Variants in PATJ observed in about 807,000 individuals in gnomAD.
PATJ encodes the protein PATJ crumbs cell polarity complex component.
PATJ carries 190 observed loss-of-function variants against 224.9 expected under a neutral mutation model. That is an observed-to-expected ratio of 0.84 (90% CI 0.75 to 0.95). The LOEUF is 0.95. Among genes scored for constraint, PATJ ranks in the 40% least tolerant of loss-of-function variants. PATJ has a pLI of 0.00. For synonymous variants in PATJ, 769 were observed against 820.3 expected (o/e 0.94, Z 1.07); for missense variants, 2,121 against 2,270.3 (o/e 0.93, Z 1.34).
intron 14 of PATJ, among the ~76,000 whole-genome samples, chr1:61,815,386 G>A (rs2148677768): frequency 6.6e-6 from 1 of 152,324 alleles, no homozygotes; most frequent in Non-Finnish European, 1.5e-5. Context: ...TCAGTCACAG[G>A]TAACACCAGT....
At chr1:62,053,338 C>T (rs1256505326) in intron 31 of PATJ, among the ~76,000 whole-genome samples, 1 of 152,206 alleles carries the variant, frequency 6.6e-6, no homozygotes, top group Non-Finnish European at 1.5e-5. Context: ...AGTAGAATCT[C>T]TGCATGTTCT....
At chr1:62,080,801 C>G (rs1659171581) in intron 32 of PATJ, among the ~76,000 whole-genome samples, 1 of 151,984 alleles carries the variant, frequency 6.6e-6, no homozygotes, top group African/African-American at 2.4e-5. Flanking sequence ...GTTCATCAAG[C>G]AGGTACTATT....
Position 61,871,483 on chromosome 1 carries a change from G to GCGTATATATA in PATJ, c.2836-3760_2836-3759insCGTATATATA, listed in dbSNP as rs1362256521. 5.9e-3 allele frequency among the ~76,000 whole-genome samples: 591 copies of GCGTATATATA among 100,042 alleles called. 31 individuals are homozygous for GCGTATATATA. The highest frequency in any genetic ancestry group is 0.02 in the African/African-American group (514 of 25,776). The allele number at this position is 100,042 out of a possible 152,430, so 65.6% of individuals were successfully genotyped here. On this transcript the variant is annotated intron_variant, in intron 20 of 43. Transcript: ENST00000642238. The stretch of plus-strand genomic sequence containing the variant: ...TATATATATGTATATACATATATAT[G>GCGTATATATA]TGTATATATGTATATATACATATAT...
chr1:62,158,741 G>T (rs1424160547), intron 43 of PATJ, among the ~76,000 whole-genome samples: 2 of 80,802 alleles, frequency 2.5e-5, no homozygotes. Context: ...CAAAAAAAAA[G>T]AGTTCGAGAC....
intron 1 of PATJ, among the ~76,000 whole-genome samples, chr1:61,746,233 C>G (rs1438491632): frequency 2.0e-5 from 3 of 152,164 alleles, no homozygotes; most frequent in Non-Finnish European, 4.4e-5. Context: ...TGAGCCATCA[C>G]GCCTGGCCTC....
At chr1:62,093,471 G>T (rs1661027321) in intron 33 of PATJ, among the ~76,000 whole-genome samples, 1 of 152,164 alleles carries the variant, frequency 6.6e-6, no homozygotes, top group South Asian at 2.1e-4. Context: ...ATTTCATGAG[G>T]AGTGTGGTTT....
At chr1:62,096,940 G>C (rs1160416289) in intron 33 of PATJ, among the ~76,000 whole-genome samples, 1 of 152,082 alleles carries the variant, frequency 6.6e-6, no homozygotes, top group Non-Finnish European at 1.5e-5. Context: ...TTATATACTA[G>C]ATATGCCCCT....
rs191538411 is a variant in PATJ, at chr1:62,108,461, T to C, written c.4402T>C (p.Tyr1468His). The C allele has an allele frequency of 1.6e-4, 262 of 1,609,416 alleles. 3 individuals carry two copies. In the East Asian group the frequency reaches 5.2e-3, roughly 32 times the overall value. The change falls in exon 34 of 44, where the codon TAT becomes CAT. Residue 1468 changes from tyrosine to histidine, a missense_variant. Physicochemically the swap from Tyr to His is moderately conservative, Grantham distance 83. Coordinates refer to ENST00000642238, the MANE Select transcript of PATJ (RefSeq NM_001350145.3). ...GAATGCTATAGTTATCCATGAAGTC[T>C]ATGAAGAAGGGGCAGCAGCCAGAGA... The part of the protein sequence containing the change: ...PLNAIVIHEV[Y>H]EEGAAARDGR...
At chr1:61,767,185 CAATT>C (rs1402517072) in intron 4 of PATJ, among the ~76,000 whole-genome samples, 4 of 152,032 alleles carry the variant, frequency 2.6e-5, no homozygotes, top group African/African-American at 9.7e-5. Context: ...AAATAATAAA[CAATT>C]AAAATTTTGG....
At chr1:62,052,286 T>G (rs1653770255) in intron 31 of PATJ, among the ~76,000 whole-genome samples, 1 of 152,122 alleles carries the variant, frequency 6.6e-6, no homozygotes. Flanking sequence ...TGCCACAGAT[T>G]GCATATCCTA....
At chr1:61,750,777 T>C (rs1645281568) in intron 1 of PATJ, among the ~76,000 whole-genome samples, 1 of 151,766 alleles carries the variant, frequency 6.6e-6, no homozygotes, top group Non-Finnish European at 1.5e-5. Context: ...CAGGACGTAG[T>C]GTGGTAGAAG....
chr1:61,972,479 A>G (rs1434134182), intron 27 of PATJ, among the ~76,000 whole-genome samples: 1 of 152,066 alleles, frequency 6.6e-6, no homozygotes, highest in Admixed American at 6.6e-5. Flanking sequence ...AAATGTTAAA[A>G]CAATGCTATG....
At chr1:61,747,804 G>A (rs1008354032) in intron 1 of PATJ, among the ~76,000 whole-genome samples, 2 of 152,190 alleles carry the variant, frequency 1.3e-5, no homozygotes, top group Non-Finnish European at 2.9e-5. Context: ...TCTCACACGT[G>A]GGCATGGGCC....
chr1:62,023,164 C>A (rs1647183502), intron 29 of PATJ, among the ~76,000 whole-genome samples: 1 of 151,956 alleles, frequency 6.6e-6, no homozygotes, highest in Non-Finnish European at 1.5e-5. Context: ...GTGGCGGGTG[C>A]CTGTAATCCC....
chr1:62,155,551 C>G (rs1487575495), intron 43 of PATJ, among the ~76,000 whole-genome samples: 1 of 152,092 alleles, frequency 6.6e-6, no homozygotes, highest in East Asian at 1.9e-4. Context: ...ACACAGAATG[C>G]CCTCTCAAAG....
At chr1:62,083,986 G>A (rs74732403) in intron 32 of PATJ, among the ~76,000 whole-genome samples, 4,724 of 152,230 alleles carry the variant, frequency 0.031, 227 homozygotes, top group African/African-American at 0.11. Flanking sequence ...AGGTGCAGTG[G>A]CTCACACCTA....
intron 4 of PATJ, 121 bp downstream of exon 4, chr1:61,766,594 A>G: frequency 3.3e-6 from 2 of 603,226 alleles, no homozygotes; most frequent in East Asian, 3.2e-5. Flanking sequence ...GCTTGCTTCT[A>G]TTTTTATATT....
chr1:61,842,794 G>A (rs557779129), intron 17 of PATJ, among the ~76,000 whole-genome samples: 63 of 54,446 alleles, frequency 1.2e-3, no homozygotes, highest in African/African-American at 3.5e-3. Context: ...ACAGTTAATC[G>A]AAAGAAGAAA....
chr1:61,952,423 G>T, intron 27 of PATJ: 1 of 717,380 alleles, frequency 1.4e-6, no homozygotes, highest in Non-Finnish European at 2.6e-6. Flanking sequence ...TAAGATTTCT[G>T]TTGCCTGTGT....
Sources: allele counts gnomAD v4.1 joint callset (sites outside exome capture counted in the v4.1 genomes callset), GRCh38; gene constraint gnomAD v4.1.1; transcripts MANE v1.5; gene names NCBI Gene and HGNC (gene_info 2026-07-23, HGNC 2026-07-21).